Variants in MAST4 observed in about 807,000 individuals in gnomAD.
MAST4 encodes microtubule associated serine/threonine kinase family member 4, also known as microtubule-associated serine/threonine-protein kinase 4.
A neutral mutation model predicts 162.7 loss-of-function variants in MAST4; 89 were observed. That is an observed-to-expected ratio of 0.55 (90% confidence interval 0.46 to 0.65). The LOEUF (loss-of-function observed/expected upper bound fraction) is 0.65, where lower values mean the gene tolerates loss of function less well. MAST4 is among the 30% of genes least tolerant of loss of function. The pLI, the probability that MAST4 is intolerant of heterozygous loss-of-function variation, is 0.00. For synonymous variants in MAST4, 1,479 were observed against 1,361.1 expected (o/e 1.09, Z -1.91); for missense variants, 3,153 against 3,374.0 (o/e 0.93, Z 1.62).
intron 4 of MAST4, among the ~76,000 whole-genome samples, chr5:67,016,753 T>C (rs1215002434): frequency 1.3e-5 from 2 of 152,216 alleles, no homozygotes; most frequent in Admixed American, 6.5e-5. Flanking sequence ...TAACACCCCA[T>C]GCACTCAGGC....
intron 27 of MAST4, among the ~76,000 whole-genome samples, chr5:67,161,311 T>A (rs1033315240): frequency 4.0e-5 from 6 of 151,776 alleles, no homozygotes; most frequent in Non-Finnish European, 7.3e-5. Flanking sequence ...CGAAAAGCCA[T>A]GTATTAACTC....
intron 1 of MAST4, among the ~76,000 whole-genome samples, chr5:66,749,201 T>C (rs1032840085): frequency 9.2e-5 from 14 of 152,044 alleles, no homozygotes; most frequent in African/African-American, 3.1e-4. Flanking sequence ...GCCAGCTCTT[T>C]TCATGCATCA....
intron 3 of MAST4, among the ~76,000 whole-genome samples, chr5:66,838,122 T>G (rs534544731): frequency 2.0e-5 from 3 of 151,852 alleles, no homozygotes; most frequent in Non-Finnish European, 4.4e-5. Flanking sequence ...TGCAGTTTTA[T>G]GTTTTTAAAA....
chr5:66,864,105 A>G (rs761915272), intron 3 of MAST4, among the ~76,000 whole-genome samples: 14 of 152,346 alleles, frequency 9.2e-5, no homozygotes, highest in Middle Eastern at 3.4e-3. Context: ...AGTGCCAGGT[A>G]GAAAACAAAT....
chr5:66,845,186 G>A (rs1758757546), intron 3 of MAST4, among the ~76,000 whole-genome samples: 1 of 134,934 alleles, frequency 7.4e-6, no homozygotes, highest in Admixed American at 8.1e-5. Flanking sequence ...TGTTACATAT[G>A]TATACATGTG....
chr5:66,868,087 G>T (rs1189534870), intron 3 of MAST4, among the ~76,000 whole-genome samples: 1 of 152,174 alleles, frequency 6.6e-6, no homozygotes, highest in African/African-American at 2.4e-5. Context: ...AGTTCCCTGT[G>T]ATACCACTTA....
In MAST4 at chr5:66,888,795, G is replaced by A. The variant is rs1311328982; in HGVS notation, c.643-11156G>A. Among the ~76,000 whole-genome samples the A allele has an allele frequency of 3.9e-5, 6 of 152,176 alleles. No homozygotes were observed. In the East Asian group the frequency reaches 1.2e-3, roughly 29 times the overall value. On this transcript the variant is annotated intron_variant, in intron 3 of 28. Transcript: ENST00000403625. ...GTGGATTGGACAGTGAGGTTGGTGT[G>A]GAAATGCAAGTGAACTGAAAAGTGA...
Position 67,118,711 on chromosome 5 carries a change from G to T in MAST4, c.1621G>T (p.Gly541Trp). ...EMAHLGNYDS[G>W]TAETPETDES... The stretch of plus-strand genomic sequence containing the variant: ...GGCTCATTTGGGAAACTACGATAGT[G>T]GGACAGCAGAAACACCAGAAACAGA... Residue 541 changes from glycine to tryptophan, a missense_variant, in exon 13 of 29, where the codon GGG becomes TGG. Physicochemically the swap from Gly to Trp is radical, Grantham distance 184. Around this residue, in one of 7 missense-constraint regions of MAST4, gnomAD observed 360 missense variants for 450.0 expected, o/e 0.80. Coordinates refer to ENST00000403625, the MANE Select transcript of MAST4 (RefSeq NM_001164664.2). 1 of 1,577,340 alleles carries T rather than the reference G, an allele frequency of 6.3e-7. No individual in the cohort carries two copies. The highest frequency in any genetic ancestry group is 2.3e-5 in the East Asian group (1 of 43,850).
intron 2 of MAST4, among the ~76,000 whole-genome samples, chr5:66,777,085 G>A (rs1251234518): frequency 6.6e-6 from 1 of 152,174 alleles, no homozygotes; most frequent in Non-Finnish European, 1.5e-5. Flanking sequence ...TGAGGAAATC[G>A]AAGCTCAGAG....
At chr5:66,654,178 C>T (rs1746401919) in intron 1 of MAST4, among the ~76,000 whole-genome samples, 3 of 152,126 alleles carry the variant, frequency 2.0e-5, no homozygotes, top group Admixed American at 2.0e-4. Context: ...ATGGGATGGC[C>T]AGGGGAGACT....
intron 5 of MAST4, among the ~76,000 whole-genome samples, chr5:67,085,453 A>G (rs1231600980): frequency 1.3e-5 from 2 of 152,220 alleles, no homozygotes; most frequent in African/African-American, 4.8e-5. Context: ...TCTATAGAGT[A>G]GATGATTAGT....
intron 1 of MAST4, among the ~76,000 whole-genome samples, chr5:66,730,634 A>T (rs1034606867): frequency 1.3e-5 from 2 of 152,242 alleles, no homozygotes; most frequent in Non-Finnish European, 2.9e-5. Flanking sequence ...TCCTCAAATT[A>T]ATCTGTTAAG....
chr5:66,839,588 GT>G (rs562790858), intron 3 of MAST4, among the ~76,000 whole-genome samples: 281 of 149,656 alleles, frequency 1.9e-3, no homozygotes, highest in African/African-American at 6.4e-3. Context: ...AGATGTGTAG[GT>G]TTTTTTTTTC....
chr5:66,750,954 C>G (rs1180001581), intron 1 of MAST4, among the ~76,000 whole-genome samples: 2 of 152,232 alleles, frequency 1.3e-5, no homozygotes, highest in East Asian at 3.9e-4. Flanking sequence ...GATCTGAGAA[C>G]AGGCAGACTG....
At chr5:67,134,141 T>C (rs1339164171) in intron 17 of MAST4, among the ~76,000 whole-genome samples, 1 of 152,194 alleles carries the variant, frequency 6.6e-6, no homozygotes, top group Non-Finnish European at 1.5e-5. Context: ...TGAATATATT[T>C]TGGTCATATA....
intron 5 of MAST4, among the ~76,000 whole-genome samples, chr5:67,076,614 TC>T (rs1363366301): frequency 2.0e-4 from 31 of 152,122 alleles, no homozygotes; most frequent in Admixed American, 4.6e-4. Context: ...CTGACCCCCC[TC>T]CCCAGTGCCA....
intron 10 of MAST4, among the ~76,000 whole-genome samples, chr5:67,109,152 A>G (rs1200182189): frequency 6.6e-6 from 1 of 152,178 alleles, no homozygotes; most frequent in African/African-American, 2.4e-5. Flanking sequence ...ATAAAATTTT[A>G]AAAGATTTTA....
At chr5:67,089,909 G>T (rs187521200) in intron 5 of MAST4, among the ~76,000 whole-genome samples, 1 of 152,212 alleles carries the variant, frequency 6.6e-6, no homozygotes, top group African/African-American at 2.4e-5. Flanking sequence ...ACTCCTGGTT[G>T]GTGATATAGC....
intron 1 of MAST4, among the ~76,000 whole-genome samples, chr5:66,606,287 G>C (rs900770373): frequency 3.3e-5 from 5 of 152,050 alleles, no homozygotes; most frequent in Non-Finnish European, 5.9e-5. Context: ...AGTTCTTCTT[G>C]TTCTCACCTT....
Sources: allele counts gnomAD v4.1 joint callset (sites outside exome capture counted in the v4.1 genomes callset), GRCh38; gene constraint gnomAD v4.1.1; regional missense constraint gnomAD v4.1.1; transcripts MANE v1.5; gene names NCBI Gene and HGNC (gene_info 2026-07-23, HGNC 2026-07-21).